Variants in PCDHGA5 observed in about 807,000 individuals in gnomAD.
PCDHGA5 encodes protocadherin gamma-A5.
PCDHGA5 carries 36 observed loss-of-function variants against 56.7 expected under a neutral mutation model. The observed-to-expected ratio is 0.64, with a 90% CI of 0.49 to 0.84. PCDHGA5 has a LOEUF of 0.84. PCDHGA5 is among the 40% of genes least tolerant of loss of function. The pLI is 0.00. For missense variants in PCDHGA5, 1,305 were observed against 1,201.5 expected, an observed-to-expected ratio of 1.09 and a Z score of -1.27; for synonymous variants, 563 against 520.2, an observed-to-expected ratio of 1.08 and a Z score of -1.12.
chr5:141,391,331 G>A (rs75432065), intron 1 of PCDHGA5: 5 of 95,914 alleles, frequency 5.2e-5, no homozygotes, highest in Non-Finnish European at 6.3e-5. Context: ...TTTTTTTTTT[G>A]AGACAGAGTC....
intron 1 of PCDHGA5, chr5:141,370,269 G>T: frequency 1.3e-6 from 1 of 783,944 alleles, no homozygotes; most frequent in East Asian, 2.7e-5. Flanking sequence ...TCCTGCAGCG[G>T]AGACACCCAT....
At position 141,486,706 on chromosome 5, in the gene PCDHGA5, C is replaced by G; in HGVS notation, c.2422-8101C>G. 6.2e-7 allele frequency: 1 copy of G among 1,614,154 alleles called. No homozygotes were observed. Among genetic ancestry groups the G allele is most frequent in the Non-Finnish European group, 8.5e-7 (1 of 1,180,024 alleles). ...CAGCTTCCTCTTTCATCTCTCTGAA[C>G]CCCCAGACAGGAGCTGTTCATGCTA... On this transcript the variant is annotated intron_variant, in intron 1 of 3. Coordinates refer to ENST00000518069, the MANE Select transcript of PCDHGA5 (RefSeq NM_018918.3). This position sits in a 1 kb window ranked among gnomAD's most constrained non-coding sequence, Gnocchi z 5.0.
At chr5:141,412,939 C>G in intron 1 of PCDHGA5, 1 of 461,988 alleles carries the variant, frequency 2.2e-6, no homozygotes, top group Non-Finnish European at 3.8e-6. Context: ...TCTTAGGACT[C>G]TGAGCGCCGC....
intron 1 of PCDHGA5, among the ~76,000 whole-genome samples, chr5:141,401,612 C>A (rs1190962219): frequency 6.6e-6 from 1 of 152,146 alleles, no homozygotes; most frequent in Non-Finnish European, 1.5e-5. Context: ...AAAAAGACAC[C>A]GGATTTGTCT....
At chr5:141,421,225 G>A in intron 1 of PCDHGA5, 1 of 1,584,302 alleles carries the variant, frequency 6.3e-7, no homozygotes. Flanking sequence ...CTTAGAGCCT[G>A]CCATGGCGAA....
At chr5:141,481,982 G>A (rs1378873905) in intron 1 of PCDHGA5, among the ~76,000 whole-genome samples, 2 of 151,628 alleles carry the variant, frequency 1.3e-5, no homozygotes, top group African/African-American at 2.4e-5. Context: ...CTACTTGGGA[G>A]GTTGAAGCAG....
intron 1 of PCDHGA5, among the ~76,000 whole-genome samples, chr5:141,461,001 A>G (rs1309762345): frequency 4.0e-5 from 6 of 150,320 alleles, no homozygotes; most frequent in South Asian, 4.2e-4. Context: ...ATATATGTGT[A>G]TATATATATA....
chr5:141,398,329 G>A, intron 1 of PCDHGA5: 2 of 1,358,092 alleles, frequency 1.5e-6, no homozygotes, highest in African/African-American at 1.5e-5. Flanking sequence ...AAAACTGCGC[G>A]TCAGTTCGGA....
intron 1 of PCDHGA5, among the ~76,000 whole-genome samples, chr5:141,435,840 T>G (rs1408413470): frequency 6.6e-6 from 1 of 152,118 alleles, no homozygotes; most frequent in Non-Finnish European, 1.5e-5. Context: ...CCTATCTACT[T>G]TGAAAGATAC....
At chr5:141,422,587 C>G in intron 1 of PCDHGA5, 2 of 1,614,032 alleles carry the variant, frequency 1.2e-6, no homozygotes, top group Non-Finnish European at 1.7e-6. Flanking sequence ...TCCCGTTTTT[C>G]CTCACTCCTC....
intron 1 of PCDHGA5, chr5:141,427,531 A>C: frequency 1.6e-6 from 1 of 620,632 alleles, no homozygotes. Flanking sequence ...ATCCCGGAGT[A>C]CAACGTCACC....
intron 1 of PCDHGA5, among the ~76,000 whole-genome samples, chr5:141,453,517 C>A (rs1001603927): frequency 1.3e-5 from 2 of 152,062 alleles, no homozygotes; most frequent in African/African-American, 4.8e-5. Flanking sequence ...TCATTCCTCC[C>A]CTATACCTTC....
In PCDHGA5 at chr5:141,449,878, A is replaced by G. The variant is rs536474516; in HGVS notation, c.2422-44929A>G. On this transcript the variant is annotated intron_variant, in intron 1 of 3. Transcript: ENST00000518069. ...ATAAAAATCAGAAAATTTAACATCA[A>G]TGCAATATAATTATTTAGCCTATAG... 6.6e-4 allele frequency among the ~76,000 whole-genome samples: 100 copies of G among 152,050 alleles called. 1 individual carries two copies. The highest frequency in any genetic ancestry group is 2.4e-3 in the African/African-American group (99 of 41,574).
Position 141,383,049 on chromosome 5 carries a change from G to C in PCDHGA5, c.2421+16298G>C, listed in dbSNP as rs779106714. 2.0e-5 allele frequency: 32 copies of C among 1,613,788 alleles called. No homozygotes were observed. Among genetic ancestry groups the C allele is most frequent in the Non-Finnish European group, 2.7e-5 (32 of 1,179,922 alleles). ...GGTCCTTTGTGGGAGACATCGCCAAGGACCTGGGGCTGGAGCCCCGGGAGC... is the reference window on the plus strand; with the variant it reads ...GGTCCTTTGTGGGAGACATCGCCAACGACCTGGGGCTGGAGCCCCGGGAGC... On this transcript the variant is annotated intron_variant, in intron 1 of 3. Coordinates refer to ENST00000518069, the MANE Select transcript of PCDHGA5 (RefSeq NM_018918.3).
intron 1 of PCDHGA5, chr5:141,371,810 G>A (rs374995933): frequency 5.6e-6 from 9 of 1,613,756 alleles, no homozygotes; most frequent in Middle Eastern, 1.6e-4. Context: ...CCTCCATTGC[G>A]CATGTCAGAG....
Position 141,476,838 on chromosome 5 carries a change from C to T in PCDHGA5, c.2422-17969C>T, listed in dbSNP as rs1347278637. 2.5e-6 allele frequency: 4 copies of T among 1,613,496 alleles called. No individual in the cohort carries two copies. Among genetic ancestry groups the T allele is most frequent in the Non-Finnish European group, 3.4e-6 (4 of 1,180,054 alleles). ...AAGGTGCTGGACGCGAATGACAATG[C>T]GCCTGTCTTCAACCAGTCCTTGTAC... On this transcript the variant is annotated intron_variant, in intron 1 of 3. Transcript: ENST00000518069. This position sits in a 1 kb window ranked among gnomAD's most constrained non-coding sequence, Gnocchi z 7.6.
intron 1 of PCDHGA5, among the ~76,000 whole-genome samples, chr5:141,446,394 A>C (rs796472404): frequency 1.1e-4 from 17 of 152,344 alleles, no homozygotes; most frequent in African/African-American, 3.4e-4. Context: ...ATTTAAGAGA[A>C]ATCGAGTTGA....
intron 1 of PCDHGA5, chr5:141,421,344 G>A: frequency 6.2e-7 from 1 of 1,613,976 alleles, no homozygotes; most frequent in Non-Finnish European, 8.5e-7. Context: ...TGCCAGAAGA[G>A]ACCGAAAAGG....
At chr5:141,414,167 A>T (rs2095716553) in intron 1 of PCDHGA5, 3 of 1,605,526 alleles carry the variant, frequency 1.9e-6, no homozygotes, top group Non-Finnish European at 2.6e-6. Flanking sequence ...GGAGGAGCAT[A>T]TCTTGCAACT....
Sources: allele counts gnomAD v4.1 joint callset (sites outside exome capture counted in the v4.1 genomes callset), GRCh38; gene constraint gnomAD v4.1.1; non-coding constraint Gnocchi (gnomAD v3.1); transcripts MANE v1.5; gene names NCBI Gene and HGNC (gene_info 2026-07-23, HGNC 2026-07-21).